Variants in GIGYF2 observed in about 807,000 individuals in gnomAD.
GIGYF2 encodes the protein GRB10 interacting GYF protein 2, also known as GRB10-interacting GYF protein 2.
Under a neutral mutation model 208.1 loss-of-function variants are expected in GIGYF2, and 25 were observed. The observed-to-expected ratio is 0.12, with a 90% confidence interval of 0.09 to 0.17. The LOEUF (loss-of-function observed/expected upper bound fraction) is 0.17, where lower values mean the gene tolerates loss of function less well. GIGYF2 is among the 10% of genes least tolerant of loss of function. The probability of loss-of-function intolerance (pLI) is 1.00; values close to 1 mark genes in which losing one functional copy is unlikely to be tolerated. For missense variants in GIGYF2, 1,302 were observed against 1,579.4 expected, an observed-to-expected ratio of 0.82 and a Z score of 2.98; for synonymous variants, 534 against 543.8, an observed-to-expected ratio of 0.98 and a Z score of 0.25.
chr2:232,818,688 A>G (rs1391026193), intron 20 of GIGYF2, among the ~76,000 whole-genome samples: 2 of 151,858 alleles, frequency 1.3e-5, no homozygotes, highest in African/African-American at 4.8e-5. Context: ...CTGGAGGTAT[A>G]TATTATTTGT....
intron 21 of GIGYF2, among the ~76,000 whole-genome samples, chr2:232,826,980 T>G (rs1701264821): frequency 6.6e-6 from 1 of 152,208 alleles, no homozygotes; most frequent in Admixed American, 6.5e-5. Flanking sequence ...GTTGCATTTT[T>G]TTAAGCAACA....
At chr2:232,787,978 A>C (rs1183549509) in intron 9 of GIGYF2, 1 of 156,484 alleles carries the variant, frequency 6.4e-6, no homozygotes, top group African/African-American at 2.4e-5. Flanking sequence ...GCTTTGTGTT[A>C]AAGTTCATCC....
In GIGYF2 at chr2:232,790,757, G is replaced by T; in HGVS notation, c.772G>T (p.Asp258Tyr). ...HMERRRRFEF[D>Y]FRDRDDERGY... ...GGAACGACGTCGGAGGTTTGAGTTT[G>T]ATTTTCGAGATAGAGATGATGAACG... Residue 258 changes from aspartate (D) to tyrosine (Y), a missense_variant, in exon 10 of 29, where the codon GAT (aspartate) becomes TAT (tyrosine). Physicochemically the swap from Asp to Tyr is radical, Grantham distance 160. Around this residue, in one of 8 missense-constraint regions of GIGYF2, gnomAD observed 50 missense variants for 42.3 expected, o/e 1.18. Coordinates refer to ENST00000373563, the MANE Select transcript of GIGYF2 (RefSeq NM_001103146.3). 6.2e-7 allele frequency: 1 copy of T among 1,614,142 alleles called. No individual in the cohort carries two copies. The highest frequency in any genetic ancestry group is 1.1e-5 in the South Asian group (1 of 91,080).
At chr2:232,718,272 A>C (rs1238273188) in intron 2 of GIGYF2, among the ~76,000 whole-genome samples, 1 of 151,974 alleles carries the variant, frequency 6.6e-6, no homozygotes, top group Admixed American at 6.6e-5. Flanking sequence ...TAATTTTTGT[A>C]ATTTAAGTAG....
At chr2:232,820,007 C>A in intron 21 of GIGYF2, 22 bp downstream of exon 21, 1 of 1,612,650 alleles carries the variant, frequency 6.2e-7, no homozygotes, top group South Asian at 1.1e-5. Flanking sequence ...GTTTTGTCTT[C>A]TAATTGTTCC....
intron 25 of GIGYF2, 118 bp downstream of exon 25, chr2:232,844,692 A>T (rs772992522): frequency 5.5e-6 from 4 of 725,078 alleles, no homozygotes; most frequent in Non-Finnish European, 9.9e-6. Context: ...TACCGTTTTC[A>T]TCTGTGTTCA....
At chr2:232,734,902 C>T (rs1424634275) in intron 2 of GIGYF2, among the ~76,000 whole-genome samples, 1 of 152,174 alleles carries the variant, frequency 6.6e-6, no homozygotes, top group African/African-American at 2.4e-5. Context: ...CTACCTCTCT[C>T]ACTAGCTTCA....
chr2:232,713,896 C>T (rs889688501), intron 2 of GIGYF2, among the ~76,000 whole-genome samples: 28 of 151,892 alleles, frequency 1.8e-4, no homozygotes, highest in Admixed American at 1.7e-3. Context: ...TAGGTTTGTC[C>T]ACTGTGAAGT....
chr2:232,847,639 A>C (rs1030774171), intron 27 of GIGYF2, 68 bp downstream of exon 27: 92 of 1,588,202 alleles, frequency 5.8e-5, no homozygotes, highest in Non-Finnish European at 7.6e-5. Flanking sequence ...GTAACCCAAG[A>C]AATGAAAATT....
intron 2 of GIGYF2, among the ~76,000 whole-genome samples, chr2:232,723,480 G>T (rs1225090769): frequency 2.0e-5 from 3 of 148,396 alleles, no homozygotes; most frequent in Admixed American, 2.0e-4. Flanking sequence ...ACCCAGGCTG[G>T]AGTGCAGTGG....
At chr2:232,785,079 ACTTCTT>A (rs151081962) in intron 8 of GIGYF2, among the ~76,000 whole-genome samples, 6 of 149,174 alleles carry the variant, frequency 4.0e-5, no homozygotes, top group Non-Finnish European at 7.4e-5. Context: ...CAAATAAACA[ACTTCTT>A]CTTCTTTTTT....
At chr2:232,776,775 A>G in intron 8 of GIGYF2, 2 of 315,434 alleles carry the variant, frequency 6.3e-6, no homozygotes, top group East Asian at 1.1e-4. Flanking sequence ...GAAGGGGTGC[A>G]TTTTTTCCCT....
chr2:232,833,644 A>G (rs1285490522), intron 22 of GIGYF2, among the ~76,000 whole-genome samples: 1 of 152,242 alleles, frequency 6.6e-6, no homozygotes, highest in Non-Finnish European at 1.5e-5. Flanking sequence ...AATGTGGCTC[A>G]GTAAACACTG....
At chr2:232,833,121 G>C in intron 22 of GIGYF2, 28 bp downstream of exon 22, 1 of 1,489,006 alleles carries the variant, frequency 6.7e-7, no homozygotes, top group Non-Finnish European at 9.2e-7. Context: ...AACCTTAGGA[G>C]CTCCTTGCTA....
intron 16 of GIGYF2, among the ~76,000 whole-genome samples, 183 bp downstream of exon 16, chr2:232,809,994 T>G (rs1486602441): frequency 6.6e-6 from 1 of 152,180 alleles, no homozygotes; most frequent in Non-Finnish European, 1.5e-5. Context: ...ATTTATTTAT[T>G]TATTTATTTT....
At chr2:232,741,896 C>T (rs1043088999) in intron 3 of GIGYF2, among the ~76,000 whole-genome samples, 1 of 152,184 alleles carries the variant, frequency 6.6e-6, no homozygotes, top group African/African-American at 2.4e-5. Context: ...CTCTTAGTTT[C>T]ATGAAGGCTG....
intron 2 of GIGYF2, among the ~76,000 whole-genome samples, chr2:232,727,301 A>T (rs180901176): frequency 6.6e-6 from 1 of 152,128 alleles, no homozygotes; most frequent in African/African-American, 2.4e-5. Flanking sequence ...ACTTAACTCT[A>T]TATCTGTTTA....
In GIGYF2 at chr2:232,856,716, A is replaced by G. The variant is rs570867840; in HGVS notation, c.3833-77A>G. On this transcript the variant is annotated intron_variant, in intron 28 of 28. Coordinates refer to ENST00000373563, the MANE Select transcript of GIGYF2 (RefSeq NM_001103146.3). The stretch of plus-strand genomic sequence containing the variant: ...CACAAACAAACAAACACAGACTTAC[A>G]TTCCAGCTCACCGCCTAGAATTTGA... The G allele has an allele frequency of 8.7e-5, 78 of 893,736 alleles. No individual in the cohort carries two copies. In the East Asian group the frequency reaches 1.6e-3, roughly 19 times the overall value. The allele number at this position is 893,736 out of a possible 1,614,324, so 55.4% of individuals were successfully genotyped here.
In GIGYF2 at chr2:232,819,927, A is replaced by G. The variant is rs1171039182; in HGVS notation, c.2471A>G (p.Glu824Gly). The G allele has an allele frequency of 3.8e-6, 6 of 1,575,956 alleles. No homozygotes were observed. Among genetic ancestry groups the G allele is most frequent in the Non-Finnish European group, 5.2e-6 (6 of 1,145,254 alleles). Reference protein sequence around the residue: ...QQQEEALRRLEERRREEEERR... With the variant: ...QQQEEALRRLGERRREEEERR... ...CAAGAAGAAGCTCTTAGAAGACTGGAAGAGAGGAGAAGAGAAGAGGAAGAA... is the reference window on the plus strand; with the variant it reads ...CAAGAAGAAGCTCTTAGAAGACTGGGAGAGAGGAGAAGAGAAGAGGAAGAA... The change falls in exon 21 of 29, where the codon GAA (glutamate) becomes GGA (glycine). Residue 824 changes from glutamate (E) to glycine (G), a missense_variant. Physicochemically the swap from Glu to Gly is moderately conservative, Grantham distance 98. Around this residue, in one of 8 missense-constraint regions of GIGYF2, gnomAD observed 701 missense variants for 793.0 expected, o/e 0.88. Coordinates refer to ENST00000373563, the MANE Select transcript of GIGYF2 (RefSeq NM_001103146.3).
Sources: allele counts gnomAD v4.1 joint callset (sites outside exome capture counted in the v4.1 genomes callset), GRCh38; gene constraint gnomAD v4.1.1; regional missense constraint gnomAD v4.1.1; transcripts MANE v1.5; gene names NCBI Gene and HGNC (gene_info 2026-07-23, HGNC 2026-07-21).